Variants in ZFHX3 observed in about 807,000 individuals in gnomAD.
ZFHX3 encodes the protein zinc finger homeobox 3.
ZFHX3 carries 42 observed loss-of-function variants against 279.1 expected under a neutral mutation model. The ratio of observed to expected loss-of-function variants is 0.15; its 90% CI spans 0.12 to 0.19. The LOEUF is 0.19. Among genes scored for constraint, ZFHX3 ranks in the 10% least tolerant of loss-of-function variants. The pLI is 1.00. For missense variants in ZFHX3, 4,981 were observed against 4,754.0 expected (o/e 1.05, Z -1.40); for synonymous variants, 2,293 against 1,957.8 (o/e 1.17, Z -4.52).
chr16:73,007,211 G>GGCATTTTT (rs1465027457), intron 1 of ZFHX3, among the ~76,000 whole-genome samples: 1 of 152,134 alleles, frequency 6.6e-6, no homozygotes, highest in African/African-American at 2.4e-5. Context: ...TGTTTTATCT[G>GGCATTTTT]GCATTTTTGC....
chr16:73,105,336 C>T (rs1020063977), intron 7 of ZFHX3, among the ~76,000 whole-genome samples: 51 of 115,498 alleles, frequency 4.4e-4, no homozygotes, highest in African/African-American at 1.5e-4. Context: ...CACACACACA[C>T]GTGTGTATAT....
At chr16:73,405,633 T>C (rs1186976795) in intron 3 of ZFHX3, among the ~76,000 whole-genome samples, 2 of 152,134 alleles carry the variant, frequency 1.3e-5, no homozygotes, top group Non-Finnish European at 1.5e-5. Context: ...CCAAGTTTTT[T>C]AGTCATTGCA....
chr16:73,662,636 A>G (rs1056627331), intron 2 of ZFHX3, among the ~76,000 whole-genome samples: 1 of 152,210 alleles, frequency 6.6e-6, no homozygotes. Flanking sequence ...TTTGATTACT[A>G]TAAAAGATGG....
chr16:72,794,424 T>C lies in ZFHX3; in HGVS notation c.8258A>G (p.Asp2753Gly), dbSNP rs372274167. ...TTTCATCTGGAGTCCCCCATCACAG[T>C]CTAAGAGCATCGCAGACAGAGTTAG... ...YNLTLSAMLL[D>G]CDGGLQMKGD... The change falls in exon 9 of 10, where the codon GAC becomes GGC. Residue 2753 changes from aspartate to glycine, a missense_variant. Asp to Gly is a moderately conservative substitution (Grantham distance 94, BLOSUM62 -1). Transcript: ENST00000268489. This position sits in a 1 kb window ranked among gnomAD's most constrained non-coding sequence, Gnocchi z 4.2. The C allele has an allele frequency of 6.2e-7, 1 of 1,613,264 alleles. No individual in the cohort carries two copies. Among genetic ancestry groups the C allele is most frequent in the African/African-American group, 1.3e-5 (1 of 74,872 alleles).
At position 73,035,821 on chromosome 16, in the gene ZFHX3, T is replaced by A. The variant is rs951745072; in HGVS notation, c.-50+11931A>T. Among the ~76,000 whole-genome samples, 3 of 152,222 alleles carry A rather than the reference T, an allele frequency of 2.0e-5. No homozygotes were observed. The East Asian group carries it at 5.8e-4, about 29-fold the overall frequency. On this transcript the variant is annotated intron_variant, in intron 1 of 9. Transcript: ENST00000268489. ...CGGGAGGCTGAGGCAGGAGGACTAC[T>A]TGAACCCAGGAGGAGGAAGGCACAG...
At chr16:72,970,117 A>T (rs1354685640) in intron 1 of ZFHX3, among the ~76,000 whole-genome samples, 1 of 152,256 alleles carries the variant, frequency 6.6e-6, no homozygotes, top group Admixed American at 6.5e-5. Context: ...TATTCTGGTT[A>T]CAGTGGAGTC....
chr16:73,351,277 G>A (rs2016236352), intron 3 of ZFHX3, among the ~76,000 whole-genome samples: 1 of 152,218 alleles, frequency 6.6e-6, no homozygotes, highest in Non-Finnish European at 1.5e-5. Flanking sequence ...CAATCCGGGA[G>A]AGGTCACCGC....
intron 1 of ZFHX3, 92 bp from the exon 2 acceptor site, chr16:72,960,286 G>A (rs1005400172): frequency 1.3e-5 from 13 of 1,025,528 alleles, no homozygotes; most frequent in Non-Finnish European, 1.5e-5. Flanking sequence ...AGGTCCTACC[G>A]CACGGAGCGC....
intron 3 of ZFHX3, among the ~76,000 whole-genome samples, chr16:73,399,880 G>A (rs1201681865): frequency 6.7e-6 from 1 of 149,682 alleles, no homozygotes; most frequent in Non-Finnish European, 1.5e-5. Flanking sequence ...ATAGCAGAGG[G>A]TACACCCCCA....
intron 4 of ZFHX3, among the ~76,000 whole-genome samples, chr16:72,846,794 T>C (rs953379158): frequency 6.6e-6 from 1 of 152,166 alleles, no homozygotes; most frequent in African/African-American, 2.4e-5. Flanking sequence ...TCTTTGAACC[T>C]TTCCATTTAC....
chr16:73,220,614 C>A (rs1567421853), intron 5 of ZFHX3, among the ~76,000 whole-genome samples: 1 of 152,138 alleles, frequency 6.6e-6, no homozygotes, highest in South Asian at 2.1e-4. Flanking sequence ...TCCCTTCATG[C>A]TGCTATGTTC....
intron 1 of ZFHX3, among the ~76,000 whole-genome samples, chr16:73,878,885 A>G: frequency 6.6e-6 from 1 of 151,706 alleles, no homozygotes; most frequent in East Asian, 1.9e-4. Flanking sequence ...AAAGGCTGAT[A>G]GATGTAACTG....
chr16:73,620,698 T>G (rs547640321), intron 2 of ZFHX3, among the ~76,000 whole-genome samples: 2 of 152,242 alleles, frequency 1.3e-5, no homozygotes, highest in African/African-American at 4.8e-5. Flanking sequence ...TTAGTTGAAG[T>G]GCATCCTTAT....
chr16:72,825,831 A>C (rs1401866385), intron 5 of ZFHX3, among the ~76,000 whole-genome samples: 1 of 152,218 alleles, frequency 6.6e-6, no homozygotes, highest in East Asian at 1.9e-4. Flanking sequence ...TCAATTCCTC[A>C]GTGGTACCAG....
At chr16:73,404,253 G>A (rs1036566679) in intron 3 of ZFHX3, among the ~76,000 whole-genome samples, 1 of 152,116 alleles carries the variant, frequency 6.6e-6, no homozygotes, top group African/African-American at 2.4e-5. Flanking sequence ...CTGGACAGAG[G>A]ATCCCCTTAA....
At chr16:73,049,868 T>C (rs567880915), upstream of ZFHX3, among the ~76,000 whole-genome samples, 10 of 152,264 alleles carry the variant, frequency 6.6e-5, no homozygotes, top group African/African-American at 2.4e-4. Context: ...GCCATATAAG[T>C]TGAGAACACC....
At chr16:73,876,987 G>C (rs1395486143) in intron 1 of ZFHX3, among the ~76,000 whole-genome samples, 1 of 150,222 alleles carries the variant, frequency 6.7e-6, no homozygotes, top group Non-Finnish European at 1.5e-5. Context: ...ATACGAGTGA[G>C]AAATCATGCT....
At chr16:73,019,609 T>C (rs1248624054) in intron 1 of ZFHX3, among the ~76,000 whole-genome samples, 1 of 152,146 alleles carries the variant, frequency 6.6e-6, no homozygotes, top group Non-Finnish European at 1.5e-5. Context: ...ATCCCCACCT[T>C]CACCCTGAGA....
At chr16:73,686,605 T>A (rs1038902445) in intron 1 of ZFHX3, among the ~76,000 whole-genome samples, 2 of 151,978 alleles carry the variant, frequency 1.3e-5, no homozygotes, top group African/African-American at 2.4e-5. Context: ...GAGTGATGAG[T>A]CCATAATTGT....
Sources: gnomAD v4.1 joint callset for allele counts (sites outside exome capture counted in the v4.1 genomes callset) on GRCh38, gnomAD v4.1.1 for gene constraint, Gnocchi (gnomAD v3.1) non-coding constraint, MANE v1.5 for transcripts, NCBI Gene and HGNC (gene_info 2026-07-23, HGNC 2026-07-21) for gene names.